The following AKAIN1 variants were observed in gnomAD, a reference collection of about 807,000 sequenced individuals.
The protein encoded by AKAIN1 is A-kinase anchor protein inhibitor 1.
Under a neutral mutation model 3.7 loss-of-function variants are expected in AKAIN1, and 3 were observed. That is an observed-to-expected ratio of 0.82 (90% CI 0.37 to 2.12). AKAIN1 has a LOEUF of 2.12. Ranked by LOEUF, AKAIN1 falls within the 30% of genes most tolerant of loss-of-function variation. AKAIN1 has a pLI of 0.06. For missense variants in AKAIN1, 82 were observed against 82.7 expected (o/e 0.99, Z 0.03); for synonymous variants, 31 against 30.8 (o/e 1.01, Z -0.02).
intron 1 of AKAIN1, among the ~76,000 whole-genome samples, chr18:5,159,047 CT>C (rs570120975): frequency 3.4e-4 from 51 of 149,034 alleles, no homozygotes; most frequent in Admixed American, 7.4e-4. Flanking sequence ...TTTATTATAT[CT>C]TTTTTTTTTA....
intron 1 of AKAIN1, among the ~76,000 whole-genome samples, chr18:5,156,581 C>A (rs1448544117): frequency 2.0e-5 from 3 of 152,178 alleles, no homozygotes; most frequent in African/African-American, 7.2e-5. Context: ...TTTCCCATAT[C>A]CCTTCATGAC....
chr18:5,145,849 T>C (rs1030407910), intron 1 of AKAIN1, 94 bp from the exon 2 acceptor site: 1 of 1,077,076 alleles, frequency 9.3e-7, no homozygotes, highest in Non-Finnish European at 1.3e-6. Flanking sequence ...GAGGGAAGAG[T>C]GAGACTGTAA....
At chr18:5,156,437 T>C (rs1000002903) in intron 1 of AKAIN1, among the ~76,000 whole-genome samples, 1 of 152,078 alleles carries the variant, frequency 6.6e-6, no homozygotes, top group Non-Finnish European at 1.5e-5. Context: ...CTGGAGGAAG[T>C]GAGTATAGAG....
At chr18:5,195,798 T>C (rs1406292871) in intron 1 of AKAIN1, among the ~76,000 whole-genome samples, 1 of 152,126 alleles carries the variant, frequency 6.6e-6, no homozygotes, top group African/African-American at 2.4e-5. Context: ...CTTTGCTATA[T>C]GGAACAATTT....
At position 5,197,220 on chromosome 18, in the gene AKAIN1, G is replaced by A. The variant is rs976745248; in HGVS notation, c.-167C>T. On this transcript the variant is annotated 5_prime_UTR_variant, in exon 1 of 2. Transcript: ENST00000434239. This position sits in a 1 kb window ranked among gnomAD's most constrained non-coding sequence, Gnocchi z 6.9. ...GCTCCCGCCGCTAGATCCTGGGGCCGCAGCTCCAGCCGCCGCCGCGCGCTC... is the reference window on the plus strand; with the variant it reads ...GCTCCCGCCGCTAGATCCTGGGGCCACAGCTCCAGCCGCCGCCGCGCGCTC... The A allele has an allele frequency of 2.9e-6, 4 of 1,390,480 alleles. No homozygotes were observed. Among genetic ancestry groups the A allele is most frequent in the South Asian group, 1.7e-5 (1 of 60,394 alleles). The allele number at this position is 1,390,480 out of a possible 1,614,324, so 86.1% of individuals were successfully genotyped here. A position where few individuals can be genotyped will look rare whatever the true frequency, so the allele number is the denominator to read the frequency against.
At chr18:5,174,891 C>G (rs1033686055) in intron 1 of AKAIN1, among the ~76,000 whole-genome samples, 18 of 152,088 alleles carry the variant, frequency 1.2e-4, no homozygotes, top group African/African-American at 4.1e-4. Context: ...AGAATACTAA[C>G]CTTTCCAGGG....
At chr18:5,170,986 C>T (rs2071194629) in intron 1 of AKAIN1, 1 of 152,170 alleles carries the variant, frequency 6.6e-6, no homozygotes, top group Admixed American at 6.6e-5. Context: ...ACTCCAGACC[C>T]CAGCATTCAA....
intron 1 of AKAIN1, among the ~76,000 whole-genome samples, chr18:5,157,322 C>A (rs1050474603): frequency 1.3e-5 from 2 of 152,174 alleles, no homozygotes; most frequent in Non-Finnish European, 2.9e-5. Context: ...CTTCTCTGCA[C>A]AAAATGGAAA....
chr18:5,185,045 A>G (rs1284019282), intron 1 of AKAIN1, among the ~76,000 whole-genome samples: 1 of 152,144 alleles, frequency 6.6e-6, no homozygotes, highest in Non-Finnish European at 1.5e-5. Flanking sequence ...ATTACTGCAC[A>G]CCTACCACCA....
At chr18:5,195,368 AC>A (rs1316270827) in intron 1 of AKAIN1, among the ~76,000 whole-genome samples, 1 of 152,030 alleles carries the variant, frequency 6.6e-6, no homozygotes, top group Non-Finnish European at 1.5e-5. Flanking sequence ...AGTGGCCATC[AC>A]TCACGATCTT....
At chr18:5,167,209 A>G (rs2071172324) in intron 1 of AKAIN1, among the ~76,000 whole-genome samples, 1 of 152,104 alleles carries the variant, frequency 6.6e-6, no homozygotes. Context: ...GTACTGAAAG[A>G]GTCAGATAGA....
rs751666562 is a variant in AKAIN1 at position 5,145,075 on chromosome 18, C to T, written c.*487G>A. Among the ~76,000 whole-genome samples the T allele has an allele frequency of 1.3e-5, 2 of 152,112 alleles. No individual in the cohort carries two copies. The highest frequency in any genetic ancestry group is 2.9e-5 in the Non-Finnish European group (2 of 68,022). On this transcript the variant is annotated 3_prime_UTR_variant, in exon 2 of 2. Transcript: ENST00000434239. Reference sequence around the variant, plus strand: ...TCCCTTTTCTTAATTTGATCTTAGACCTGAACCCACTTAAAGCCTTCAATT... The same window carrying T: ...TCCCTTTTCTTAATTTGATCTTAGATCTGAACCCACTTAAAGCCTTCAATT...
At chr18:5,192,848 G>C (rs116316510) in intron 1 of AKAIN1, among the ~76,000 whole-genome samples, 2 of 152,064 alleles carry the variant, frequency 1.3e-5, no homozygotes, top group African/African-American at 4.8e-5. Context: ...GAAAAACTAA[G>C]TGCAATGAAA....
At chr18:5,154,073 A>C (rs1004858139) in intron 1 of AKAIN1, among the ~76,000 whole-genome samples, 2 of 152,194 alleles carry the variant, frequency 1.3e-5, no homozygotes, top group African/African-American at 4.8e-5. Flanking sequence ...TCTCTATGAA[A>C]AATTAAAAAA....
chr18:5,156,289 C>T (rs1036729108), intron 1 of AKAIN1, among the ~76,000 whole-genome samples: 4 of 152,126 alleles, frequency 2.6e-5, no homozygotes, highest in African/African-American at 9.7e-5. Flanking sequence ...CCACTGTTCT[C>T]CCTGAAATAA....
intron 1 of AKAIN1, among the ~76,000 whole-genome samples, chr18:5,192,397 C>CTTTCTTTCTTTT (rs1211009526): frequency 2.9e-5 from 3 of 104,960 alleles, no homozygotes; most frequent in African/African-American, 1.0e-4. Context: ...TTCTTTCTTT[C>CTTTCTTTCTTTT]TTTCTTTCTT....
At chr18:5,150,659 C>T (rs2071075177) in intron 1 of AKAIN1, among the ~76,000 whole-genome samples, 2 of 152,180 alleles carry the variant, frequency 1.3e-5, no homozygotes, top group Non-Finnish European at 2.9e-5. Flanking sequence ...CCATGGGGAT[C>T]CGGCCTTCCA....
At chr18:5,167,337 G>A (rs749479221) in intron 1 of AKAIN1, among the ~76,000 whole-genome samples, 2 of 151,954 alleles carry the variant, frequency 1.3e-5, no homozygotes, top group African/African-American at 2.4e-5. Context: ...CTCTTCCGTC[G>A]TATGGCCGCC....
Position 5,145,632 on chromosome 18 carries a change from C to T in AKAIN1, c.140G>A (p.Arg47Lys). 1.9e-6 allele frequency: 3 copies of T among 1,551,716 alleles called. No homozygotes were observed. Among genetic ancestry groups the T allele is most frequent in the Non-Finnish European group, 2.6e-6 (3 of 1,146,974 alleles). The change falls in exon 2 of 2, where the codon AGA becomes AAA. Residue 47 changes from arginine to lysine, a missense_variant. Transcript: ENST00000434239. ...GATGTGGTCCCGGTTGTCACTGATT[C>T]TCTCTTCTCTGCGCTGACTCTCCTG... ...VSQESQRREE[R>K]ISDNRDHIQL...
Sources: allele counts gnomAD v4.1 joint callset (sites outside exome capture counted in the v4.1 genomes callset), GRCh38; gene constraint gnomAD v4.1.1; non-coding constraint Gnocchi (gnomAD v3.1); transcripts MANE v1.5; gene names NCBI Gene and HGNC (gene_info 2026-07-23, HGNC 2026-07-21).